GMNC: variants seen among roughly 807,000 people sequenced by gnomAD.
GMNC encodes geminin coiled-coil domain containing.
Under a neutral mutation model 33.6 loss-of-function variants are expected in GMNC, and 16 were observed. That is an observed-to-expected ratio of 0.48 (90% confidence interval 0.32 to 0.72). GMNC has a LOEUF of 0.72. Ranked by LOEUF, GMNC falls within the 30% of genes least tolerant of loss-of-function variation. The probability of loss-of-function intolerance (pLI) is 0.03; values close to 1 mark genes in which losing one functional copy is unlikely to be tolerated. For missense variants in GMNC, 393 were observed against 388.9 expected, an observed-to-expected ratio of 1.01 and a Z score of -0.09; for synonymous variants, 156 against 147.3, an observed-to-expected ratio of 1.06 and a Z score of -0.43.
the GMNC span, among the ~76,000 whole-genome samples, chr3:190,844,495 T>C: frequency 6.7e-6 from 1 of 149,680 alleles, no homozygotes; most frequent in East Asian, 1.9e-4. Flanking sequence ...ATTCCTAAAT[T>C]TATATGCATA....
At chr3:190,857,998 G>A (rs1428456040) in intron 3 of GMNC, 99 bp from the exon 4 acceptor site, 6 of 718,938 alleles carry the variant, frequency 8.3e-6, no homozygotes, top group Non-Finnish European at 1.2e-5. Context: ...CTTGATGATT[G>A]TTTGTTGTAT....
downstream of GMNC, among the ~76,000 whole-genome samples, chr3:190,851,950 A>G (rs1161638713): frequency 6.6e-6 from 1 of 152,018 alleles, no homozygotes; most frequent in African/African-American, 2.4e-5. Context: ...GATATTTGAT[A>G]CAAGAATTAA....
intron 4 of GMNC, among the ~76,000 whole-genome samples, chr3:190,856,390 AATATTT>A (rs1388315640): frequency 2.1e-5 from 3 of 139,732 alleles, no homozygotes; most frequent in Non-Finnish European, 3.1e-5. Flanking sequence ...TATATTTATA[AATATTT>A]ATATATTTAT....
chr3:190,845,147 A>G, the GMNC span, among the ~76,000 whole-genome samples: 1 of 152,176 alleles, frequency 6.6e-6, no homozygotes, highest in African/African-American at 2.4e-5. Flanking sequence ...TAAACTTCCA[A>G]ATCAACCCTG....
At chr3:190,857,192 C>A (rs562147368) in intron 4 of GMNC, among the ~76,000 whole-genome samples, 1 of 150,006 alleles carries the variant, frequency 6.7e-6, no homozygotes, top group East Asian at 2.0e-4. Flanking sequence ...AGTTATTTAT[C>A]CTTGAGTTAG....
chr3:190,851,954 G>T (rs918749836), downstream of GMNC, among the ~76,000 whole-genome samples: 1 of 151,748 alleles, frequency 6.6e-6, no homozygotes, highest in Non-Finnish European at 1.5e-5. Flanking sequence ...TTTGATACAA[G>T]AATTAAAACT....
chr3:190,843,479 A>G, the GMNC span, among the ~76,000 whole-genome samples: 1 of 152,164 alleles, frequency 6.6e-6, no homozygotes, highest in Non-Finnish European at 1.5e-5. Context: ...TCTCCTCTCT[A>G]TTTTAGTTAA....
chr3:190,846,839 T>G, the GMNC span, among the ~76,000 whole-genome samples: 1 of 152,226 alleles, frequency 6.6e-6, no homozygotes, highest in Non-Finnish European at 1.5e-5. Flanking sequence ...GAATTACACT[T>G]TCTATTTTGA....
chr3:190,847,598 G>C, the GMNC span, among the ~76,000 whole-genome samples: 1 of 152,314 alleles, frequency 6.6e-6, no homozygotes, highest in East Asian at 1.9e-4. Flanking sequence ...TTACTCTGCT[G>C]TCTCCTCTTT....
Position 190,862,422 on chromosome 3 carries a change from G to A in GMNC, c.3+191C>T, listed in dbSNP as rs1481557915. ...AAGAAGAGGGAGAGAGGGAGAGAAA[G>A]AGAGAGAGAGAGAGAGAAAGCAGAT... On this transcript the variant is annotated intron_variant, in intron 1 of 4. Transcript: ENST00000442080. This position sits in a 1 kb window ranked among gnomAD's most constrained non-coding sequence, Gnocchi z 4.5. Among the ~76,000 whole-genome samples, 1 of 142,328 alleles carries A rather than the reference G, an allele frequency of 7.0e-6. No homozygotes were observed. Among genetic ancestry groups the A allele is most frequent in the East Asian group, 2.0e-4 (1 of 5,118 alleles). 93.4% of individuals were successfully genotyped at this position (142,328 alleles called of 152,430 possible).
At chr3:190,850,088 C>T (rs1002872790), downstream of GMNC, among the ~76,000 whole-genome samples, 3 of 152,202 alleles carry the variant, frequency 2.0e-5, no homozygotes, top group Admixed American at 2.0e-4. Context: ...TCCTACTCTA[C>T]TCATCCGAAT....
downstream of GMNC, among the ~76,000 whole-genome samples, chr3:190,848,970 A>C (rs1324867110): frequency 6.6e-6 from 1 of 152,152 alleles, no homozygotes; most frequent in South Asian, 2.1e-4. Flanking sequence ...ATTACTATAC[A>C]TATTAAATGG....
rs1403871169 is a variant in GMNC at position 190,855,216 on chromosome 3, C to T, written c.*79G>A. The T allele has an allele frequency of 2.9e-6, 4 of 1,394,098 alleles. No individual in the cohort carries two copies. The highest frequency in any genetic ancestry group is 9.7e-7 in the Non-Finnish European group (1 of 1,028,500). The allele number at this position is 1,394,098 out of a possible 1,614,324, so 86.4% of individuals were successfully genotyped here. A position where few individuals can be genotyped will look rare whatever the true frequency, so the allele number is the denominator to read the frequency against. ...CAGTCTAAGCAACAGCTTCTGTGTT[C>T]CACATAGTCAAATTCAAGTGCAAGA... On this transcript the variant is annotated 3_prime_UTR_variant, in exon 5 of 5. Transcript: ENST00000442080.
downstream of GMNC, among the ~76,000 whole-genome samples, chr3:190,852,675 C>T (rs1159933386): frequency 6.6e-6 from 1 of 151,996 alleles, no homozygotes; most frequent in Non-Finnish European, 1.5e-5. Flanking sequence ...TTAGTCTGGC[C>T]ATAGACATCA....
At chr3:190,847,343 G>T in the GMNC span, among the ~76,000 whole-genome samples, 1 of 152,058 alleles carries the variant, frequency 6.6e-6, no homozygotes, top group Non-Finnish European at 1.5e-5. Flanking sequence ...TCCTTCTAGG[G>T]ACCTGAAAAA....
rs1417628037 is a variant in GMNC at position 190,855,170 on chromosome 3, G to C, written c.*125C>G. On this transcript the variant is annotated 3_prime_UTR_variant, in exon 5 of 5. Transcript: ENST00000442080. ...CAGATTTAAGTGGGTAATTGAGAGT[G>C]ACATTTAAAGTGGCAGGAGACAGTC... 2 of 926,220 alleles carry C rather than the reference G, an allele frequency of 2.2e-6. No individual in the cohort carries two copies. The highest frequency in any genetic ancestry group is 3.2e-6 in the Non-Finnish European group (2 of 628,402). 57.4% of individuals were successfully genotyped at this position (926,220 alleles called of 1,614,324 possible). A position where few individuals can be genotyped will look rare whatever the true frequency, so the allele number is the denominator to read the frequency against.
In GMNC at chr3:190,853,920, TA is replaced by T. The variant is rs1213545430; in HGVS notation, c.*1374del. 1 of 152,196 alleles carries T rather than the reference TA, an allele frequency of 6.6e-6. No individual in the cohort carries two copies. Among genetic ancestry groups the T allele is most frequent in the Non-Finnish European group, 1.5e-5 (1 of 68,012 alleles). 9.4% of individuals were successfully genotyped at this position (152,196 alleles called of 1,614,324 possible). A position where few individuals can be genotyped will look rare whatever the true frequency, so the allele number is the denominator to read the frequency against. ...ACTTATTTAAAAATTAATATGTATC[TA>T]TTTTTAGAGGCAAATTATTCTTACA... On this transcript the variant is annotated 3_prime_UTR_variant, in exon 5 of 5. Transcript: ENST00000442080.
Position 190,860,693 on chromosome 3 carries a change from G to T in GMNC, c.169C>A (p.Gln57Lys). ...LDNRELQQAP[Q>K]AQESFSDSNF... ...GAAGAGCAGAACTTACCCTGTGCCTGTGGTGCTTGTTGGAGCTCTCTGTTG... is the reference window on the plus strand; with the variant it reads ...GAAGAGCAGAACTTACCCTGTGCCTTTGGTGCTTGTTGGAGCTCTCTGTTG... The change falls in exon 2 of 5, where the codon CAG becomes AAG. Residue 57 changes from glutamine (Q) to lysine (K), a missense_variant. Transcript: ENST00000442080. The T allele has an allele frequency of 6.5e-7, 1 of 1,550,342 alleles. No homozygotes were observed. The highest frequency in any genetic ancestry group is 8.7e-7 in the Non-Finnish European group (1 of 1,146,602).
chr3:190,850,418 C>T (rs940800627), downstream of GMNC, among the ~76,000 whole-genome samples: 4 of 152,338 alleles, frequency 2.6e-5, no homozygotes, highest in East Asian at 1.9e-4. Flanking sequence ...CTGCTGGTTC[C>T]GGATGAAGCC....
Sources: gnomAD v4.1 joint callset for allele counts (sites outside exome capture counted in the v4.1 genomes callset) on GRCh38, gnomAD v4.1.1 for gene constraint, Gnocchi (gnomAD v3.1) non-coding constraint, MANE v1.5 for transcripts, NCBI Gene and HGNC (gene_info 2026-07-23, HGNC 2026-07-21) for gene names.